Variants in C1orf105 observed in about 807,000 individuals in gnomAD.
The protein encoded by C1orf105 is chromosome 1 open reading frame 105.
In C1orf105, 17 loss-of-function variants were observed where a neutral mutation model predicts 20.8. The ratio of observed to expected loss-of-function variants is 0.82; its 90% CI spans 0.56 to 1.23. The LOEUF (loss-of-function observed/expected upper bound fraction) is 1.23, where lower values mean the gene tolerates loss of function less well. C1orf105 is among the 50% of genes most tolerant of loss of function. The pLI, the probability that C1orf105 is intolerant of heterozygous loss-of-function variation, is 0.00. For synonymous variants in C1orf105, 72 were observed against 72.1 expected (o/e 1.00, Z 0.01); for missense variants, 219 against 213.5 (o/e 1.03, Z -0.16).
rs572169825 is a variant in C1orf105 at position 172,444,210 on chromosome 1, G to GA, written c.22-861dup. On this transcript the variant is annotated intron_variant, in intron 1 of 6. Transcript: ENST00000367727. The stretch of plus-strand genomic sequence containing the variant: ...CTCTCCTGGAGACTGGCCCAAACCC[G>GA]AATGCTCTGAGCCTAGGAAGGCAAA... The GA allele has an allele frequency of 5.5e-4, 542 of 985,962 alleles. 3 individuals are homozygous for GA. The African/African-American group carries it at 8.8e-3, about 16-fold the overall frequency. The allele number at this position is 985,962 out of a possible 1,614,324, so 61.1% of individuals were successfully genotyped here.
At position 172,468,459 on chromosome 1, in the gene C1orf105, C is replaced by G. The variant is rs375840548; in HGVS notation, c.417C>G (p.His139Gln). The G allele has an allele frequency of 6.2e-7, 1 of 1,613,024 alleles. No homozygotes were observed. Among genetic ancestry groups the G allele is most frequent in the East Asian group, 2.2e-5 (1 of 44,878 alleles). Residue 139 changes from histidine (H) to glutamine (Q), a missense_variant, in exon 7 of 7, where the codon CAC (histidine) becomes CAG (glutamine). Physicochemically the swap from His to Gln is conservative, Grantham distance 24 (BLOSUM62 0). Transcript: ENST00000367727. The part of the protein sequence containing the change: ...FHDDIPTESI[H>Q]YRLPILGPRT... ...TGTACTGTCATCCAGAAAGCATTCA[C>G]TACAGACTGCCCATTCTGGGCCCCA...
chr1:172,467,595 T>A (rs1374209427), intron 6 of C1orf105, among the ~76,000 whole-genome samples: 1 of 152,178 alleles, frequency 6.6e-6, no homozygotes, highest in East Asian at 1.9e-4. Context: ...ATGTCTGGGT[T>A]CTGGTTCTTA....
intron 3 of C1orf105, among the ~76,000 whole-genome samples, chr1:172,450,209 G>A (rs1648462602): frequency 6.6e-6 from 1 of 152,218 alleles, no homozygotes; most frequent in Non-Finnish European, 1.5e-5. Context: ...TATTGGGAGA[G>A]AACACAGGCC....
intron 1 of C1orf105, among the ~76,000 whole-genome samples, chr1:172,437,759 A>AT (rs2072089641): frequency 2.0e-5 from 3 of 150,238 alleles, no homozygotes; most frequent in Non-Finnish European, 4.4e-5. Context: ...AATAATAATA[A>AT]ACAAAACGAT....
At chr1:172,442,333 T>C in intron 1 of C1orf105, 2 of 1,613,110 alleles carry the variant, frequency 1.2e-6, no homozygotes, top group South Asian at 1.1e-5. Flanking sequence ...AAACAAAACA[T>C]ACCCAATCAG....
Position 172,440,747 on chromosome 1 carries a change from T to A in C1orf105, c.22-4326T>A, listed in dbSNP as rs147845832. Among the ~76,000 whole-genome samples the A allele has an allele frequency of 2.6e-5, 4 of 152,352 alleles. No homozygotes were observed. The East Asian group carries it at 7.7e-4, about 29-fold the overall frequency. On this transcript the variant is annotated intron_variant, in intron 1 of 6. Coordinates refer to ENST00000367727, the MANE Select transcript of C1orf105 (RefSeq NM_139240.4). ...GGCACAGTAGTAGTCTTATGTTGCC[T>A]GCAAATGTGTTTTTAGACGGATTAA... is the stretch of plus-strand genomic sequence containing the variant.
intron 1 of C1orf105, among the ~76,000 whole-genome samples, chr1:172,431,587 A>T (rs1197275329): frequency 2.0e-5 from 3 of 152,376 alleles, no homozygotes; most frequent in Middle Eastern, 3.4e-3. Context: ...GTTATCCAGA[A>T]GATCTAGCTA....
chr1:172,468,514 G>A lies in C1orf105; in HGVS notation c.472G>A (p.Glu158Lys). ...RTAVFHGLLT[E>K]AYKTLKERQR... ...AGCTGTCTTCCACGGATTACTGACAGAGGCCTACAAAACTCTAAAAGAGAG... is the reference window on the plus strand; with the variant it reads ...AGCTGTCTTCCACGGATTACTGACAAAGGCCTACAAAACTCTAAAAGAGAG... Residue 158 changes from glutamate to lysine, a missense_variant, in exon 7 of 7, where the codon GAG becomes AAG. By Grantham distance (56) the Glu-to-Lys change is moderately conservative. Transcript: ENST00000367727. 1.2e-6 allele frequency: 2 copies of A among 1,613,968 alleles called. No homozygotes were observed. Among genetic ancestry groups the A allele is most frequent in the South Asian group, 1.1e-5 (1 of 91,070 alleles).
chr1:172,456,649 G>A (rs1202252985), intron 4 of C1orf105, among the ~76,000 whole-genome samples, 160 bp downstream of exon 4: 3 of 152,146 alleles, frequency 2.0e-5, no homozygotes, highest in Non-Finnish European at 4.4e-5. Context: ...GAGCAGCATC[G>A]ACTGACAGAA....
At chr1:172,453,530 G>T (rs1447505093) in intron 3 of C1orf105, among the ~76,000 whole-genome samples, 1 of 152,140 alleles carries the variant, frequency 6.6e-6, no homozygotes, top group Non-Finnish European at 1.5e-5. Flanking sequence ...TATATATTTA[G>T]GTTGATTGTG....
chr1:172,462,401 A>T (rs60743426), intron 5 of C1orf105, among the ~76,000 whole-genome samples, 156 bp downstream of exon 5: 8,756 of 152,276 alleles, frequency 0.058, 813 homozygotes, highest in African/African-American at 0.2. Flanking sequence ...CCAAATTATT[A>T]GATCAAAAAA....
At chr1:172,432,662 A>C (rs890391798) in intron 1 of C1orf105, among the ~76,000 whole-genome samples, 17 of 152,380 alleles carry the variant, frequency 1.1e-4, no homozygotes, top group African/African-American at 3.4e-4. Context: ...ATGGGGAGAA[A>C]CCAGAGAAGA....
At position 172,468,611 on chromosome 1, in the gene C1orf105, AC is replaced by A; in HGVS notation, c.*19del. 1.2e-6 allele frequency: 2 copies of A among 1,607,436 alleles called. No individual in the cohort carries two copies. The highest frequency in any genetic ancestry group is 1.7e-6 in the Non-Finnish European group (2 of 1,176,182). ...AGGCAGTGAGCGGTAGGAGCTCATCACCTCCCAGACTCCCAGAGAGAAAATA... is the reference window on the plus strand; with the variant it reads ...AGGCAGTGAGCGGTAGGAGCTCATCACTCCCAGACTCCCAGAGAGAAAATA... On this transcript the variant is annotated 3_prime_UTR_variant, in exon 7 of 7. Coordinates refer to ENST00000367727, the MANE Select transcript of C1orf105 (RefSeq NM_139240.4).
At chr1:172,442,310 C>T in intron 1 of C1orf105, 5 of 1,613,462 alleles carry the variant, frequency 3.1e-6, no homozygotes, top group Non-Finnish European at 3.4e-6. Context: ...CCTTCACCTC[C>T]ATCAATGAGA....
At chr1:172,439,592 AT>A (rs2072151896) in intron 1 of C1orf105, among the ~76,000 whole-genome samples, 1 of 152,144 alleles carries the variant, frequency 6.6e-6, no homozygotes, top group African/African-American at 2.4e-5. Flanking sequence ...TCCAAATACT[AT>A]ACAGTGTGAC....
At position 172,430,400 on chromosome 1, in the gene C1orf105, T is replaced by C. The variant is rs2071838546; in HGVS notation, c.21+9494T>C. On this transcript the variant is annotated intron_variant, in intron 1 of 6. Coordinates refer to ENST00000367727, the MANE Select transcript of C1orf105 (RefSeq NM_139240.4). ...TCTGGATTGCTTGACATTTTCTTAA[T>C]AGAACGTTTAATGAATTTTTAATTT... is the stretch of plus-strand genomic sequence containing the variant. The C allele has an allele frequency of 7.9e-6, 5 of 635,792 alleles. No individual in the cohort carries two copies. In the South Asian group the frequency reaches 8.4e-5, roughly 11 times the overall value. 39.4% of individuals were successfully genotyped at this position (635,792 alleles called of 1,614,324 possible).
At chr1:172,446,639 G>T (rs1648033484) in intron 2 of C1orf105, among the ~76,000 whole-genome samples, 1 of 152,234 alleles carries the variant, frequency 6.6e-6, no homozygotes, top group South Asian at 2.1e-4. Context: ...GAAGAGCAAA[G>T]TATCCTTGTG....
intron 6 of C1orf105, among the ~76,000 whole-genome samples, chr1:172,467,181 G>A (rs1348694566): frequency 6.6e-6 from 1 of 152,188 alleles, no homozygotes; most frequent in Non-Finnish European, 1.5e-5. Flanking sequence ...TGTCCATACT[G>A]TGGTACTTGC....
intron 3 of C1orf105, among the ~76,000 whole-genome samples, chr1:172,450,271 T>G (rs1454316442): frequency 6.6e-6 from 1 of 152,132 alleles, no homozygotes; most frequent in Non-Finnish European, 1.5e-5. Context: ...CTCCACTGAT[T>G]TGCACATGAG....
Sources: allele counts gnomAD v4.1 joint callset (sites outside exome capture counted in the v4.1 genomes callset), GRCh38; gene constraint gnomAD v4.1.1; transcripts MANE v1.5; gene names NCBI Gene and HGNC (gene_info 2026-07-23, HGNC 2026-07-21).